Variants in KIAA0040 observed in about 807,000 individuals in gnomAD.
The protein encoded by KIAA0040 is uncharacterized protein KIAA0040.
In KIAA0040, 10 loss-of-function variants were observed where a neutral mutation model predicts 7.2. The ratio of observed to expected loss-of-function variants is 1.38; its 90% confidence interval spans 0.85 to 2.34. The LOEUF is 2.34. Among genes scored for constraint, KIAA0040 ranks in the 30% most tolerant of loss-of-function variants. The pLI, the probability that KIAA0040 is intolerant of heterozygous loss-of-function variation, is 0.00. For synonymous variants in KIAA0040, 49 were observed against 40.1 expected, an observed-to-expected ratio of 1.22 and a Z score of -0.84; for missense variants, 89 against 108.2, an observed-to-expected ratio of 0.82 and a Z score of 0.79.
chr1:175,180,013 G>T (rs1014982658), intron 1 of KIAA0040, among the ~76,000 whole-genome samples: 7 of 152,126 alleles, frequency 4.6e-5, no homozygotes, highest in African/African-American at 1.7e-4. Context: ...TGAGGTATGG[G>T]GTTCCCCTCC....
At chr1:175,174,543 CAGACA>C (rs1477857392) in intron 2 of KIAA0040, among the ~76,000 whole-genome samples, 3 of 152,164 alleles carry the variant, frequency 2.0e-5, no homozygotes, top group African/African-American at 7.2e-5. Context: ...CTGTGAAGAA[CAGACA>C]AGACATGTGG....
chr1:175,182,625 A>G (rs1677483232), intron 1 of KIAA0040, among the ~76,000 whole-genome samples: 1 of 152,196 alleles, frequency 6.6e-6, no homozygotes, highest in Non-Finnish European at 1.5e-5. Flanking sequence ...GCTCTCACCC[A>G]GCTTGTGTGA....
At chr1:175,169,436 G>T (rs188892898) in intron 2 of KIAA0040, among the ~76,000 whole-genome samples, 1 of 152,320 alleles carries the variant, frequency 6.6e-6, no homozygotes, top group Non-Finnish European at 1.5e-5. Context: ...ATAACAGGAT[G>T]TGAGAATGAA....
chr1:175,176,669 CTT>C (rs34859478), intron 2 of KIAA0040, among the ~76,000 whole-genome samples: 23 of 27,452 alleles, frequency 8.4e-4, no homozygotes, highest in African/African-American at 2.0e-3. Flanking sequence ...AAGTAGCATG[CTT>C]TTTTTTTTTT....
intron 1 of KIAA0040, among the ~76,000 whole-genome samples, chr1:175,190,327 T>C (rs1015514651): frequency 6.6e-6 from 1 of 152,200 alleles, no homozygotes; most frequent in Non-Finnish European, 1.5e-5. Flanking sequence ...TATTGACAAA[T>C]ACAAGACTCT....
chr1:175,160,749 G>A lies in KIAA0040; in HGVS notation c.265C>T (p.Leu89Phe). 1 of 1,549,188 alleles carries A rather than the reference G, an allele frequency of 6.5e-7. No individual in the cohort carries two copies. The highest frequency in any genetic ancestry group is 8.7e-7 in the Non-Finnish European group (1 of 1,146,862). The part of the protein sequence containing the change: ...DLWISAQPKL[L>F]QMEKRPSLPV Reference sequence around the variant, plus strand: ...AGTGATGGTCTCTTCTCCATCTGGAGAAGCTTGGGTTGAGCAGAGATCCAG... The same window carrying A: ...AGTGATGGTCTCTTCTCCATCTGGAAAAGCTTGGGTTGAGCAGAGATCCAG... The change falls in exon 4 of 4, where the codon CTC (leucine) becomes TTC (phenylalanine). Residue 89 changes from leucine to phenylalanine, a missense_variant. By Grantham distance (22) the Leu-to-Phe change is conservative. Coordinates refer to ENST00000423313, the MANE Select transcript of KIAA0040 (RefSeq NM_014656.3).
At chr1:175,189,247 G>A (rs1037579618) in intron 1 of KIAA0040, among the ~76,000 whole-genome samples, 25 of 152,182 alleles carry the variant, frequency 1.6e-4, no homozygotes, top group Non-Finnish European at 3.1e-4. Context: ...CCCTGGTTGG[G>A]ACAGGGAAAA....
chr1:175,175,449 AT>A (rs1391231981), intron 2 of KIAA0040, among the ~76,000 whole-genome samples: 1 of 151,444 alleles, frequency 6.6e-6, no homozygotes, highest in African/African-American at 2.4e-5. Flanking sequence ...TAGTTCAACC[AT>A]TGTGGAAGTC....
chr1:175,175,141 A>G (rs1412145664), intron 2 of KIAA0040, among the ~76,000 whole-genome samples: 1 of 152,184 alleles, frequency 6.6e-6, no homozygotes, highest in East Asian at 1.9e-4. Context: ...TTCAAATGTC[A>G]TATCCTCTTG....
In KIAA0040 at chr1:175,158,522, T is replaced by C. The variant is rs1331634791; in HGVS notation, c.*2192A>G. ...GCCTCCACCTCTCCCCAGCCATCCA[T>C]TCTAGGGGGACTGAGAGGTGGAGAC... is the stretch of plus-strand genomic sequence containing the variant. On this transcript the variant is annotated 3_prime_UTR_variant, in exon 4 of 4. Transcript: ENST00000423313. The C allele has an allele frequency of 6.6e-6, 1 of 152,196 alleles. No homozygotes were observed. Among genetic ancestry groups the C allele is most frequent in the African/African-American group, 2.4e-5 (1 of 41,380 alleles). The allele number at this position is 152,196 out of a possible 1,614,324, so 9.4% of individuals were successfully genotyped here.
At chr1:175,168,626 CT>C in intron 2 of KIAA0040, among the ~76,000 whole-genome samples, 1 of 56,620 alleles carries the variant, frequency 1.8e-5, no homozygotes, top group Non-Finnish European at 4.9e-5. Flanking sequence ...GATTACCTTA[CT>C]TTATTGATGG....
At chr1:175,162,734 C>G (rs560148676) in intron 3 of KIAA0040, among the ~76,000 whole-genome samples, 2 of 152,232 alleles carry the variant, frequency 1.3e-5, no homozygotes, top group South Asian at 4.1e-4. Flanking sequence ...GTCTCATGAT[C>G]CCAGTGCCCA....
rs147703259 is a variant in KIAA0040 at position 175,188,731 on chromosome 1, T to C, written c.-384+3909A>G. ...CTGAGAAAACTTTAAGGATTGAAAC[T>C]GAGGAAACAGAAGAGACGAGGGTGG... is the stretch of plus-strand genomic sequence containing the variant. On this transcript the variant is annotated intron_variant, in intron 1 of 3. Coordinates refer to ENST00000423313, the MANE Select transcript of KIAA0040 (RefSeq NM_014656.3). Among the ~76,000 whole-genome samples the C allele has an allele frequency of 2.7e-3, 417 of 152,284 alleles. 1 individual carries two copies. Among genetic ancestry groups the C allele is most frequent in the African/African-American group, 9.1e-3 (380 of 41,544 alleles).
chr1:175,187,645 A>T (rs867203408), intron 1 of KIAA0040, among the ~76,000 whole-genome samples: 4 of 152,274 alleles, frequency 2.6e-5, no homozygotes, highest in African/African-American at 9.6e-5. Flanking sequence ...TACACAGCAT[A>T]TCCACTATAC....
chr1:175,164,133 G>A (rs1035672206), intron 3 of KIAA0040, among the ~76,000 whole-genome samples: 8 of 152,158 alleles, frequency 5.3e-5, no homozygotes, highest in Admixed American at 2.6e-4. Context: ...TAGGGTTTGC[G>A]TTTATTTGGA....
At chr1:175,179,204 G>A (rs1677340711) in intron 1 of KIAA0040, among the ~76,000 whole-genome samples, 1 of 152,192 alleles carries the variant, frequency 6.6e-6, no homozygotes, top group South Asian at 2.1e-4. Context: ...GGAAAGATTA[G>A]TGAGATCACA....
In KIAA0040 at chr1:175,158,687, TGACAA is replaced by T. The variant is rs1428181870; in HGVS notation, c.*2022_*2026del. 1.3e-5 allele frequency: 2 copies of T among 152,258 alleles called. No homozygotes were observed. Among genetic ancestry groups the T allele is most frequent in the Middle Eastern group, 3.2e-3 (1 of 316 alleles). The allele number at this position is 152,258 out of a possible 1,614,324, so 9.4% of individuals were successfully genotyped here. The stretch of plus-strand genomic sequence containing the variant: ...GAGGCCCCATGACAAACTCTCTATG[TGACAA>T]GGGGATAGAGAACCAGAGTGCTTCT... On this transcript the variant is annotated 3_prime_UTR_variant, in exon 4 of 4. Coordinates refer to ENST00000423313, the MANE Select transcript of KIAA0040 (RefSeq NM_014656.3).
chr1:175,176,669 C>CTTTTTTTTTTTTT lies in KIAA0040; in HGVS notation c.-310+929_-310+941dup. On this transcript the variant is annotated intron_variant, in intron 2 of 3. Coordinates refer to ENST00000423313, the MANE Select transcript of KIAA0040 (RefSeq NM_014656.3). ...ATCCAGTGTCAGGTTAAGTAGCATGCTTTTTTTTTTTTTTTTTTTTTTTTT... is the reference window on the plus strand; with the variant it reads ...ATCCAGTGTCAGGTTAAGTAGCATGCTTTTTTTTTTTTTTTTTTTTTTTTTTTTTTTTTTTTTT... 6.1e-3 allele frequency among the ~76,000 whole-genome samples: 167 copies of CTTTTTTTTTTTTT among 27,464 alleles called. 64 individuals are homozygous for CTTTTTTTTTTTTT. The highest frequency in any genetic ancestry group is 0.012 in the East Asian group (7 of 568). 18.0% of individuals were successfully genotyped at this position (27,464 alleles called of 152,430 possible). A position where few individuals can be genotyped will look rare whatever the true frequency, so the allele number is the denominator to read the frequency against.
In KIAA0040 at chr1:175,169,083, G is replaced by A. The variant is rs866297584; in HGVS notation, c.-309-2346C>T. On this transcript the variant is annotated intron_variant, in intron 2 of 3. Coordinates refer to ENST00000423313, the MANE Select transcript of KIAA0040 (RefSeq NM_014656.3). ...AAATGAGTTAGAATAAACTTTTGTT[G>A]GGTGAAGCCACTGAGATTTGGGGAT... is the stretch of plus-strand genomic sequence containing the variant. Among the ~76,000 whole-genome samples, 7 of 152,338 alleles carry A rather than the reference G, an allele frequency of 4.6e-5. No homozygotes were observed. The South Asian group carries it at 8.3e-4, about 18-fold the overall frequency.
Sources: allele counts gnomAD v4.1 joint callset (sites outside exome capture counted in the v4.1 genomes callset), GRCh38; gene constraint gnomAD v4.1.1; transcripts MANE v1.5; gene names NCBI Gene and HGNC (gene_info 2026-07-23, HGNC 2026-07-21).